Variants in CRACR2A observed in about 807,000 individuals in gnomAD.
CRACR2A encodes the protein EF-hand calcium-binding domain-containing protein 4B.
A neutral mutation model predicts 90.5 loss-of-function variants in CRACR2A; 79 were observed. The observed-to-expected ratio is 0.87, with a 90% CI of 0.73 to 1.05. CRACR2A has a LOEUF of 1.05. Ranked by LOEUF, CRACR2A falls within the 50% of genes least tolerant of loss-of-function variation. The pLI, the probability that CRACR2A is intolerant of heterozygous loss-of-function variation, is 0.00. For missense variants in CRACR2A, 823 were observed against 897.2 expected (o/e 0.92, Z 1.06); for synonymous variants, 338 against 356.7 (o/e 0.95, Z 0.59).
At chr12:3,617,500 C>T (rs1040394647) in intron 18 of CRACR2A, among the ~76,000 whole-genome samples, 30 of 152,184 alleles carry the variant, frequency 2.0e-4, no homozygotes, top group African/African-American at 6.3e-4. Flanking sequence ...CATGCTTTTC[C>T]CAAGACAGTG....
intron 2 of CRACR2A, among the ~76,000 whole-genome samples, chr12:3,719,698 T>C (rs975445302): frequency 1.3e-5 from 2 of 152,162 alleles, no homozygotes; most frequent in African/African-American, 4.8e-5. Flanking sequence ...AAAAAAGACA[T>C]CTAAATAACA....
intron 4 of CRACR2A, among the ~76,000 whole-genome samples, chr12:3,695,489 C>T (rs1945723996): frequency 6.6e-6 from 1 of 152,104 alleles, no homozygotes; most frequent in Non-Finnish European, 1.5e-5. Context: ...GGAATAGCTC[C>T]AGGAGAAGCA....
chr12:3,669,439 C>T (rs931822799), intron 7 of CRACR2A, among the ~76,000 whole-genome samples: 2 of 152,226 alleles, frequency 1.3e-5, no homozygotes, highest in African/African-American at 2.4e-5. Context: ...ACTGTGAATG[C>T]TGAAGGGACT....
At chr12:3,634,966 TTTAA>T (rs1023902169) in intron 14 of CRACR2A, among the ~76,000 whole-genome samples, 1 of 152,224 alleles carries the variant, frequency 6.6e-6, no homozygotes, top group Non-Finnish European at 1.5e-5. Flanking sequence ...TCCCTGTACT[TTTAA>T]TTGTTATTTA....
At chr12:3,668,210 C>T (rs962788634) in intron 7 of CRACR2A, among the ~76,000 whole-genome samples, 16 of 152,166 alleles carry the variant, frequency 1.1e-4, no homozygotes, top group Admixed American at 6.5e-4. Context: ...GAGTCCTCGC[C>T]GAGAACTTCA....
chr12:3,677,770 G>A (rs1268036322), intron 6 of CRACR2A, among the ~76,000 whole-genome samples: 3 of 152,158 alleles, frequency 2.0e-5, no homozygotes, highest in Non-Finnish European at 4.4e-5. Context: ...CAGGCCTTCA[G>A]CAAACCTGCT....
intron 8 of CRACR2A, 54 bp from the exon 9 acceptor site, chr12:3,656,460 A>G: frequency 6.4e-7 from 1 of 1,566,116 alleles, no homozygotes. Flanking sequence ...CACCCGGGTT[A>G]TAGATTTTTT....
chr12:3,745,825 T>TAAAATAAAATAAAATAAAAGAAAAG (rs149739964), intron 1 of CRACR2A, among the ~76,000 whole-genome samples: 1 of 100,486 alleles, frequency 1.0e-5, no homozygotes, highest in African/African-American at 4.0e-5. Flanking sequence ...TAAAATAAAA[T>TAAAATAAAATAAAATAAAAGAAAAG]AAAGAAAGAA....
At chr12:3,623,665 G>A (rs564766138) in intron 17 of CRACR2A, among the ~76,000 whole-genome samples, 9 of 152,304 alleles carry the variant, frequency 5.9e-5, no homozygotes, top group African/African-American at 1.4e-4. Flanking sequence ...TGGAAATGCC[G>A]AGTTGGCCGA....
intron 9 of CRACR2A, 110 bp downstream of exon 9, chr12:3,656,201 A>T: frequency 1.0e-6 from 1 of 990,090 alleles, no homozygotes; most frequent in Non-Finnish European, 1.6e-6. Flanking sequence ...AGTTCTTCTC[A>T]GGTTAAAAAC....
At chr12:3,620,224 T>G (rs1944106552) in intron 17 of CRACR2A, among the ~76,000 whole-genome samples, 1 of 152,262 alleles carries the variant, frequency 6.6e-6, no homozygotes, top group African/African-American at 2.4e-5. Flanking sequence ...TGCCATTCAG[T>G]GAGTAAATGT....
At chr12:3,648,130 T>C (rs1196184457) in intron 11 of CRACR2A, 1 of 1,024,578 alleles carries the variant, frequency 9.8e-7, no homozygotes, top group African/African-American at 1.7e-5. Context: ...TTTCCTCTAA[T>C]ATCAACTTCC....
chr12:3,665,518 T>G (rs879613260), intron 7 of CRACR2A, among the ~76,000 whole-genome samples: 1 of 152,220 alleles, frequency 6.6e-6, no homozygotes, highest in Non-Finnish European at 1.5e-5. Context: ...AAAAAGATAA[T>G]GCATGTGGAA....
At chr12:3,640,729 C>T (rs1565469347) in intron 13 of CRACR2A, 1 of 1,305,370 alleles carries the variant, frequency 7.7e-7, no homozygotes. Context: ...TTCAAGGTCT[C>T]TCTGGGTCTG....
In CRACR2A at chr12:3,705,408, T is replaced by C. The variant is rs546079178; in HGVS notation, c.-37+7829A>G. On this transcript the variant is annotated intron_variant, in intron 3 of 19. Transcript: ENST00000440314. ...CCCTCCTAAGGGTTCTAAGCTAATT[T>C]TCCCCTTAATCTAGAGAACAGCTGG... is the stretch of plus-strand genomic sequence containing the variant. Among the ~76,000 whole-genome samples the C allele has an allele frequency of 2.0e-5, 3 of 152,296 alleles. No homozygotes were observed. The South Asian group carries it at 6.2e-4, about 32-fold the overall frequency.
chr12:3,644,206 C>A (rs1944642759), intron 12 of CRACR2A, among the ~76,000 whole-genome samples: 1 of 151,262 alleles, frequency 6.6e-6, no homozygotes, highest in Non-Finnish European at 1.5e-5. Flanking sequence ...TGGTCTATGA[C>A]AGTATAAAAT....
chr12:3,678,246 T>C (rs1430348258), intron 6 of CRACR2A, among the ~76,000 whole-genome samples: 1 of 152,214 alleles, frequency 6.6e-6, no homozygotes, highest in African/African-American at 2.4e-5. Context: ...GATCCCTGTG[T>C]CTATTCCAAA....
chr12:3,683,880 A>G (rs1945502924), intron 4 of CRACR2A, among the ~76,000 whole-genome samples: 1 of 152,200 alleles, frequency 6.6e-6, no homozygotes, highest in African/African-American at 2.4e-5. Flanking sequence ...TAGACCTCAC[A>G]CACTCCAGAA....
chr12:3,723,647 C>A (rs919408090), intron 2 of CRACR2A, among the ~76,000 whole-genome samples: 1 of 152,084 alleles, frequency 6.6e-6, no homozygotes, highest in Non-Finnish European at 1.5e-5. Context: ...CTCAGCCCCA[C>A]ATCTCACGTT....
Sources: allele counts gnomAD v4.1 joint callset (sites outside exome capture counted in the v4.1 genomes callset), GRCh38; gene constraint gnomAD v4.1.1; transcripts MANE v1.5; gene names NCBI Gene and HGNC (gene_info 2026-07-23, HGNC 2026-07-21).